PCBP3: variants seen among roughly 807,000 people sequenced by gnomAD.
PCBP3 encodes the protein poly(rC)-binding protein 3.
A neutral mutation model predicts 52.7 loss-of-function variants in PCBP3; 25 were observed. The ratio of observed to expected loss-of-function variants is 0.47; its 90% confidence interval spans 0.35 to 0.66. PCBP3 has a LOEUF of 0.66. Ranked by LOEUF, PCBP3 falls within the 30% of genes least tolerant of loss-of-function variation. PCBP3 has a pLI of 0.01. For missense variants in PCBP3, 391 were observed against 490.3 expected (o/e 0.80, Z 1.91); for synonymous variants, 162 against 183.0 (o/e 0.89, Z 0.93).
chr21:45,660,134 T>A (rs888328158), intron 1 of PCBP3, among the ~76,000 whole-genome samples: 14 of 152,138 alleles, frequency 9.2e-5, no homozygotes, highest in African/African-American at 3.4e-4. Flanking sequence ...TTATTTTATA[T>A]GTATACACAC....
In PCBP3 at chr21:45,656,491, C is replaced by T. The variant is rs963292063; in HGVS notation, c.-278-12383C>T. Among the ~76,000 whole-genome samples, 9 of 151,910 alleles carry T rather than the reference C, an allele frequency of 5.9e-5. No homozygotes were observed. Among genetic ancestry groups the T allele is most frequent in the African/African-American group, 1.2e-4 (5 of 41,316 alleles). On this transcript the variant is annotated intron_variant, in intron 1 of 17. Coordinates refer to ENST00000681687, the MANE Select transcript of PCBP3 (RefSeq NM_001384156.1). The surrounding 1 kb of genome is among the most constrained non-coding windows in gnomAD (Gnocchi z 4.3). ...GGGAACATCATACACCAGGGCCTGT[C>T]GGTGGTGGGGGCCTAGGGGAGGGAT...
In PCBP3 at chr21:45,821,118, C is replaced by T. The variant is rs8133648; in HGVS notation, c.-125-28843C>T. On this transcript the variant is annotated intron_variant, in intron 4 of 17. Coordinates refer to ENST00000681687, the MANE Select transcript of PCBP3 (RefSeq NM_001384156.1). The surrounding 1 kb of genome is among the most constrained non-coding windows in gnomAD (Gnocchi z 4.4). ...TTGGTACCTTTTCTCTTTTTAGAGG[C>T]AGAATCCTTTCTTGAGAACAGCATC... Among the ~76,000 whole-genome samples the T allele has an allele frequency of 4.7e-4, 72 of 152,358 alleles. No homozygotes were observed. Among genetic ancestry groups the T allele is most frequent in the African/African-American group, 1.6e-3 (65 of 41,586 alleles).
At chr21:45,731,829 T>C (rs190975379) in intron 2 of PCBP3, among the ~76,000 whole-genome samples, 1 of 152,074 alleles carries the variant, frequency 6.6e-6, no homozygotes, top group Non-Finnish European at 1.5e-5. Context: ...TGCCCTTATC[T>C]CCTCACTTCG....
intron 4 of PCBP3, among the ~76,000 whole-genome samples, chr21:45,815,002 GA>G (rs779191128): frequency 6.8e-4 from 85 of 124,586 alleles, no homozygotes; most frequent in Middle Eastern, 5.4e-3. Context: ...AGTGGTGAGT[GA>G]GTGGTGAGTG....
Position 45,836,897 on chromosome 21 carries a change from G to A in PCBP3, c.-125-13064G>A, listed in dbSNP as rs1370098725. Among the ~76,000 whole-genome samples, 4 of 152,234 alleles carry A rather than the reference G, an allele frequency of 2.6e-5. No homozygotes were observed. In the East Asian group the frequency reaches 5.8e-4, roughly 22 times the overall value. On this transcript the variant is annotated intron_variant, in intron 4 of 17. Transcript: ENST00000681687. ...GGGCAGAGCTGCAGTTTGTGTGCCTGGCTGCATAGTGTTCCAGTGTGTGAA... is the reference window on the plus strand; with the variant it reads ...GGGCAGAGCTGCAGTTTGTGTGCCTAGCTGCATAGTGTTCCAGTGTGTGAA...
intron 4 of PCBP3, among the ~76,000 whole-genome samples, chr21:45,847,798 C>T (rs895188480): frequency 6.6e-6 from 1 of 152,162 alleles, no homozygotes; most frequent in African/African-American, 2.4e-5. Context: ...TCAGGGCCAC[C>T]GTTCTGGGTC....
At chr21:45,747,626 G>A (rs867616379) in intron 3 of PCBP3, among the ~76,000 whole-genome samples, 89 of 152,262 alleles carry the variant, frequency 5.8e-4, no homozygotes, top group African/African-American at 2.1e-3. Flanking sequence ...GGTCTTGGCC[G>A]GCTGGGGCAG....
At chr21:45,938,298 TG>T (rs2077093259) in intron 16 of PCBP3, among the ~76,000 whole-genome samples, 2 of 152,222 alleles carry the variant, frequency 1.3e-5, no homozygotes, top group South Asian at 4.1e-4. Context: ...GGCTGCGTGC[TG>T]GCCAAGGAGG....
intron 4 of PCBP3, among the ~76,000 whole-genome samples, chr21:45,776,466 CTCTT>C (rs2090264235): frequency 6.9e-6 from 1 of 144,882 alleles, no homozygotes; most frequent in Admixed American, 6.9e-5. Flanking sequence ...ACTTGAGTCT[CTCTT>C]TCTCTCTCTC....
intron 16 of PCBP3, among the ~76,000 whole-genome samples, chr21:45,936,451 C>G (rs886439734): frequency 1.3e-5 from 2 of 152,222 alleles, no homozygotes; most frequent in Admixed American, 6.5e-5. Context: ...TGTGGTCCAG[C>G]CTTCTGGCAT....
intron 2 of PCBP3, among the ~76,000 whole-genome samples, chr21:45,725,413 G>A (rs2084953027): frequency 6.6e-6 from 1 of 152,216 alleles, no homozygotes; most frequent in Admixed American, 6.5e-5. Context: ...AAGGAAGAAT[G>A]CCCACAGATG....
chr21:45,725,216 G>A (rs1004801856), intron 2 of PCBP3, among the ~76,000 whole-genome samples: 10 of 152,178 alleles, frequency 6.6e-5, no homozygotes, highest in African/African-American at 2.2e-4. Flanking sequence ...GCTTCCACCT[G>A]CTGCCTGCGC....
At chr21:45,645,130 G>A (rs2079171070) in intron 1 of PCBP3, among the ~76,000 whole-genome samples, 1 of 152,232 alleles carries the variant, frequency 6.6e-6, no homozygotes, top group Admixed American at 6.5e-5. Flanking sequence ...CACGACAGAA[G>A]CAGAAATAGT....
chr21:45,930,740 C>A (rs765700484), intron 14 of PCBP3, 46 bp from the exon 15 acceptor site: 19 of 904,494 alleles, frequency 2.1e-5, no homozygotes, highest in Non-Finnish European at 3.7e-6. Flanking sequence ...CCCTGCTTAT[C>A]TCCTTGAGGG....
At chr21:45,708,068 A>G (rs2083572802) in intron 2 of PCBP3, among the ~76,000 whole-genome samples, 1 of 152,220 alleles carries the variant, frequency 6.6e-6, no homozygotes. Context: ...GGACTGAGGA[A>G]GTTTAATTCT....
chr21:45,933,170 A>C (rs113524665), intron 15 of PCBP3, among the ~76,000 whole-genome samples: 1 of 152,110 alleles, frequency 6.6e-6, no homozygotes, highest in African/African-American at 2.4e-5. Context: ...CACCTGGGCC[A>C]TGCTGTCTTG....
At chr21:45,822,630 G>A (rs191404220) in intron 4 of PCBP3, among the ~76,000 whole-genome samples, 89 of 151,530 alleles carry the variant, frequency 5.9e-4, no homozygotes, top group Middle Eastern at 3.4e-3. Flanking sequence ...AGAGCAAGGG[G>A]CGGACCCGGC....
At chr21:45,910,513 A>G (rs2096366050) in intron 10 of PCBP3, among the ~76,000 whole-genome samples, 1 of 152,172 alleles carries the variant, frequency 6.6e-6, no homozygotes, top group African/African-American at 2.4e-5. Flanking sequence ...CCTATGCAGC[A>G]GGGCAGCTGC....
chr21:45,739,203 T>C (rs1347697141), intron 3 of PCBP3, among the ~76,000 whole-genome samples: 3 of 98,878 alleles, frequency 3.0e-5, no homozygotes, highest in East Asian at 3.6e-4. Context: ...CACCCCTTCC[T>C]GCCCATTGTC....
Sources: gnomAD v4.1 joint callset for allele counts (sites outside exome capture counted in the v4.1 genomes callset) on GRCh38, gnomAD v4.1.1 for gene constraint, Gnocchi (gnomAD v3.1) non-coding constraint, MANE v1.5 for transcripts, NCBI Gene and HGNC (gene_info 2026-07-23, HGNC 2026-07-21) for gene names.